PDZRN4: variants seen among roughly 807,000 people sequenced by gnomAD.
PDZRN4 encodes the protein PDZ domain-containing RING finger protein 4.
Under a neutral mutation model 99.0 loss-of-function variants are expected in PDZRN4, and 70 were observed. That is an observed-to-expected ratio of 0.71 (90% CI 0.58 to 0.86). PDZRN4 has a LOEUF of 0.86. Ranked by LOEUF, PDZRN4 falls within the 40% of genes least tolerant of loss-of-function variation. The pLI is 0.00. For synonymous variants in PDZRN4, 551 were observed against 501.6 expected, an observed-to-expected ratio of 1.10 and a Z score of -1.32; for missense variants, 1,474 against 1,331.2, an observed-to-expected ratio of 1.11 and a Z score of -1.67.
At chr12:41,204,126 C>G (rs947693632) in intron 3 of PDZRN4, among the ~76,000 whole-genome samples, 16 of 152,112 alleles carry the variant, frequency 1.1e-4, no homozygotes, top group Admixed American at 9.2e-4. Flanking sequence ...GTATGCTCAT[C>G]ATCATCTCAT....
At chr12:41,450,426 T>C (rs562600711) in intron 3 of PDZRN4, among the ~76,000 whole-genome samples, 117 of 152,334 alleles carry the variant, frequency 7.7e-4, no homozygotes, top group Non-Finnish European at 1.4e-3. Flanking sequence ...TAATTTTCCA[T>C]TCCACAAAAC....
chr12:41,357,679 G>T (rs969377690), intron 3 of PDZRN4, among the ~76,000 whole-genome samples: 2 of 151,966 alleles, frequency 1.3e-5, no homozygotes, highest in South Asian at 4.1e-4. Flanking sequence ...GCTGAGGCCT[G>T]CAATAATGCA....
chr12:41,338,575 A>G (rs1951791929), intron 3 of PDZRN4, among the ~76,000 whole-genome samples: 1 of 152,068 alleles, frequency 6.6e-6, no homozygotes, highest in Non-Finnish European at 1.5e-5. Context: ...GACTAAGAAA[A>G]AAAGAGAAGA....
chr12:41,268,651 G>A (rs735211), intron 3 of PDZRN4, among the ~76,000 whole-genome samples: 76,869 of 152,080 alleles, frequency 0.51, 21,393 homozygotes, highest in East Asian at 0.71. Context: ...AAGAGAATCA[G>A]CACATTAGGA....
At chr12:41,536,280 GA>G (rs1938747333) in intron 5 of PDZRN4, among the ~76,000 whole-genome samples, 1 of 152,066 alleles carries the variant, frequency 6.6e-6, no homozygotes, top group African/African-American at 2.4e-5. Context: ...GTCAAGCCAT[GA>G]AAAAACATGG....
At chr12:41,276,046 C>T (rs1450645704) in intron 3 of PDZRN4, among the ~76,000 whole-genome samples, 2 of 152,078 alleles carry the variant, frequency 1.3e-5, no homozygotes, top group Non-Finnish European at 2.9e-5. Flanking sequence ...AGTAGTTTCA[C>T]AGTTGTTATT....
At chr12:41,263,272 G>A (rs575049306) in intron 3 of PDZRN4, among the ~76,000 whole-genome samples, 46 of 152,284 alleles carry the variant, frequency 3.0e-4, no homozygotes, top group African/African-American at 1.0e-3. Flanking sequence ...AATGAAAATA[G>A]TTGGGCGCGG....
chr12:41,322,505 T>TTTG (rs1453035221), intron 3 of PDZRN4, among the ~76,000 whole-genome samples: 13 of 126,174 alleles, frequency 1.0e-4, no homozygotes, highest in African/African-American at 3.6e-4. Flanking sequence ...TTTTTTTTTT[T>TTTG]TTTGAGACAG....
intron 3 of PDZRN4, among the ~76,000 whole-genome samples, chr12:41,304,753 A>G (rs1212572720): frequency 6.6e-6 from 1 of 152,246 alleles, no homozygotes; most frequent in Admixed American, 6.5e-5. Flanking sequence ...AAATCATTTC[A>G]ATAGAGAGTA....
chr12:41,220,230 T>G (rs1256899495), intron 3 of PDZRN4, among the ~76,000 whole-genome samples: 5 of 152,124 alleles, frequency 3.3e-5, no homozygotes, highest in Non-Finnish European at 7.4e-5. Context: ...AAGTGTCGGC[T>G]GGGTTAGTTT....
rs150680549 is a variant in PDZRN4, at chr12:41,572,466, C to A, written c.1687C>A (p.Arg563=). 9.9e-6 allele frequency: 16 copies of A among 1,613,924 alleles called. No individual in the cohort carries two copies. Among genetic ancestry groups the A allele is most frequent in the South Asian group, 8.8e-5 (8 of 91,082 alleles). ...AGTAGGACGTACAGATGAAAGCTTG[C>A]GAAATGATGAGAGCTCAGAGCAGGA... The part of the protein sequence containing the change: ...SGVGRTDESL[R]NDESSEQENA... The change falls in exon 10 of 10, where the codon CGA becomes AGA. Residue 563 remains arginine, a synonymous_variant. Transcript: ENST00000402685.
chr12:41,440,567 T>C (rs1203492978), intron 3 of PDZRN4, among the ~76,000 whole-genome samples: 2 of 152,098 alleles, frequency 1.3e-5, no homozygotes, highest in Non-Finnish European at 2.9e-5. Flanking sequence ...ATTTTGTTGA[T>C]ATTTTTTGCT....
At chr12:41,501,077 T>C (rs1938100889) in intron 3 of PDZRN4, among the ~76,000 whole-genome samples, 1 of 152,156 alleles carries the variant, frequency 6.6e-6, no homozygotes, top group African/African-American at 2.4e-5. Context: ...ATTTTATACT[T>C]ATCCTCAATT....
At chr12:41,210,361 A>T (rs1435158398) in intron 3 of PDZRN4, among the ~76,000 whole-genome samples, 1 of 152,016 alleles carries the variant, frequency 6.6e-6, no homozygotes, top group African/African-American at 2.4e-5. Flanking sequence ...ATTAGATCCC[A>T]TTTGTCAATT....
chr12:41,258,546 A>G (rs191663451), intron 3 of PDZRN4, among the ~76,000 whole-genome samples: 9 of 152,312 alleles, frequency 5.9e-5, no homozygotes, highest in African/African-American at 2.2e-4. Flanking sequence ...TTCTGTCATA[A>G]ATATCATTTT....
At chr12:41,259,293 G>C (rs960023399) in intron 3 of PDZRN4, among the ~76,000 whole-genome samples, 1 of 151,988 alleles carries the variant, frequency 6.6e-6, no homozygotes, top group Non-Finnish European at 1.5e-5. Context: ...AGAAGAGTCA[G>C]AGAGACACTC....
At chr12:41,285,994 G>A (rs1951419799) in intron 3 of PDZRN4, among the ~76,000 whole-genome samples, 1 of 151,858 alleles carries the variant, frequency 6.6e-6, no homozygotes, top group South Asian at 2.1e-4. Flanking sequence ...AGAACTTAAA[G>A]TATAATTTAA....
At chr12:41,375,077 C>G (rs1423357755) in intron 3 of PDZRN4, among the ~76,000 whole-genome samples, 1 of 152,150 alleles carries the variant, frequency 6.6e-6, no homozygotes. Flanking sequence ...CTCTAGCTAG[C>G]AGCTGATAGG....
At chr12:41,381,182 T>C (rs1843112261) in intron 3 of PDZRN4, among the ~76,000 whole-genome samples, 2 of 152,350 alleles carry the variant, frequency 1.3e-5, no homozygotes, top group South Asian at 4.1e-4. Flanking sequence ...TATTACAATG[T>C]GTTTCAGTGT....
Sources: gnomAD v4.1 joint callset for allele counts (sites outside exome capture counted in the v4.1 genomes callset) on GRCh38, gnomAD v4.1.1 for gene constraint, MANE v1.5 for transcripts, NCBI Gene and HGNC (gene_info 2026-07-23, HGNC 2026-07-21) for gene names.